Variants in ARHGAP10 observed in about 807,000 individuals in gnomAD.
ARHGAP10 encodes Rho GTPase activating protein 10, also known as rho GTPase-activating protein 10.
A neutral mutation model predicts 108.6 loss-of-function variants in ARHGAP10; 87 were observed. The observed-to-expected ratio is 0.80, with a 90% CI of 0.67 to 0.96. The LOEUF is 0.96. ARHGAP10 is among the 40% of genes least tolerant of loss of function. The probability of loss-of-function intolerance (pLI) is 0.00; values close to 1 mark genes in which losing one functional copy is unlikely to be tolerated. For missense variants in ARHGAP10, 939 were observed against 954.5 expected, an observed-to-expected ratio of 0.98 and a Z score of 0.21; for synonymous variants, 347 against 341.1, an observed-to-expected ratio of 1.02 and a Z score of -0.19.
intron 1 of ARHGAP10, among the ~76,000 whole-genome samples, chr4:147,799,712 A>G (rs1346991436): frequency 6.6e-6 from 1 of 152,192 alleles, no homozygotes; most frequent in Non-Finnish European, 1.5e-5. Flanking sequence ...ATTTGTTTCA[A>G]CAGAATTTAT....
chr4:147,991,572 A>G (rs1304398998), intron 18 of ARHGAP10, among the ~76,000 whole-genome samples: 1 of 152,226 alleles, frequency 6.6e-6, no homozygotes, highest in East Asian at 1.9e-4. Context: ...CCTAGTGTGT[A>G]CCAAAATTCC....
At position 147,869,582 on chromosome 4, in the gene ARHGAP10, G is replaced by GA. The variant is rs33932988; in HGVS notation, c.702+2777dup. 2.4e-3 allele frequency among the ~76,000 whole-genome samples: 340 copies of GA among 143,200 alleles called. 2 individuals are homozygous for GA. The highest frequency in any genetic ancestry group is 5.2e-3 in the African/African-American group (206 of 39,512). The allele number at this position is 143,200 out of a possible 152,430, so 93.9% of individuals were successfully genotyped here. A position where few individuals can be genotyped will look rare whatever the true frequency, so the allele number is the denominator to read the frequency against. ...AGAAATGGGGAAATGACAGTTTATTGAAAAAAAAAAAGCCTTTTTTGTATT... is the reference window on the plus strand; with the variant it reads ...AGAAATGGGGAAATGACAGTTTATTGAAAAAAAAAAAAGCCTTTTTTGTATT... On this transcript the variant is annotated intron_variant, in intron 7 of 22. Coordinates refer to ENST00000336498, the MANE Select transcript of ARHGAP10 (RefSeq NM_024605.4).
chr4:147,919,994 A>G (rs1455103122), intron 13 of ARHGAP10, among the ~76,000 whole-genome samples: 4 of 152,162 alleles, frequency 2.6e-5, no homozygotes, highest in Non-Finnish European at 5.9e-5. Context: ...ATATGTAGCA[A>G]AGTTTGGGAG....
chr4:148,072,484 G>A lies in ARHGAP10; in HGVS notation c.*403G>A, dbSNP rs1264010324. 1.1e-5 allele frequency: 2 copies of A among 179,718 alleles called. No individual in the cohort carries two copies. Among genetic ancestry groups the A allele is most frequent in the African/African-American group, 4.7e-5 (2 of 42,344 alleles). 11.1% of individuals were successfully genotyped at this position (179,718 alleles called of 1,614,324 possible). ...TGCTGCTGCGATTTTAAAGGGAACT[G>A]TACTACTCGCAGTGATAGGTTTGCA... On this transcript the variant is annotated 3_prime_UTR_variant, in exon 23 of 23. Transcript: ENST00000336498.
At chr4:147,957,199 G>C (rs79841688) in intron 16 of ARHGAP10, among the ~76,000 whole-genome samples, 1 of 152,132 alleles carries the variant, frequency 6.6e-6, no homozygotes, top group Non-Finnish European at 1.5e-5. Context: ...CCTAAGTGCC[G>C]TTGTGGTTGG....
intron 1 of ARHGAP10, among the ~76,000 whole-genome samples, chr4:147,798,767 CTCTCTCTCTCTCTCTATA>C (rs1332864875): frequency 1.1e-3 from 7 of 6,620 alleles, no homozygotes; most frequent in African/African-American, 1.2e-3. Flanking sequence ...CTCTCTCTCT[CTCTCTCTCTCTCTCTATA>C]TATATATATA....
intron 19 of ARHGAP10, among the ~76,000 whole-genome samples, chr4:148,040,695 T>A (rs1728594899): frequency 6.6e-6 from 1 of 152,188 alleles, no homozygotes; most frequent in African/African-American, 2.4e-5. Flanking sequence ...CAGTTGGTCT[T>A]GGAACCATAA....
chr4:148,059,521 A>AT (rs34690971), intron 20 of ARHGAP10, among the ~76,000 whole-genome samples: 105,618 of 151,902 alleles, frequency 0.7, 37,342 homozygotes, highest in East Asian at 0.84. Context: ...GACTCTCAAA[A>AT]ATTTCATTAT....
chr4:147,988,107 T>C (rs1231782697), intron 18 of ARHGAP10, among the ~76,000 whole-genome samples: 8 of 152,220 alleles, frequency 5.3e-5, no homozygotes, highest in Admixed American at 4.6e-4. Context: ...TGCAGGTGTC[T>C]CCTGCCTGTC....
At chr4:148,023,549 A>T in intron 19 of ARHGAP10, 136 bp downstream of exon 19, 1 of 1,065,384 alleles carries the variant, frequency 9.4e-7, no homozygotes, top group Non-Finnish European at 1.2e-6. Context: ...TTTGAGATTT[A>T]CAGGGAGGGT....
At chr4:148,004,665 G>A (rs773949574) in intron 18 of ARHGAP10, among the ~76,000 whole-genome samples, 3 of 152,192 alleles carry the variant, frequency 2.0e-5, no homozygotes, top group Admixed American at 6.5e-5. Context: ...AAAAGCCACG[G>A]CCTTTAGTCC....
chr4:147,979,784 A>T (rs146741554), intron 18 of ARHGAP10, among the ~76,000 whole-genome samples: 387 of 152,170 alleles, frequency 2.5e-3, no homozygotes, highest in African/African-American at 8.9e-3. Flanking sequence ...GTTTTTGTGT[A>T]GGTGTGTGGC....
At chr4:147,893,525 T>C (rs540865259) in intron 10 of ARHGAP10, among the ~76,000 whole-genome samples, 1 of 147,806 alleles carries the variant, frequency 6.8e-6, no homozygotes, top group African/African-American at 2.4e-5. Context: ...AGAATATATA[T>C]ATTTCAGTAA....
intron 1 of ARHGAP10, among the ~76,000 whole-genome samples, chr4:147,792,666 C>G (rs1234881399): frequency 6.6e-6 from 1 of 151,852 alleles, no homozygotes; most frequent in African/African-American, 2.4e-5. Flanking sequence ...TTCTTATTCT[C>G]CATTATTATG....
chr4:147,893,819 A>G (rs973514506), intron 10 of ARHGAP10, among the ~76,000 whole-genome samples: 3 of 152,048 alleles, frequency 2.0e-5, no homozygotes, highest in African/African-American at 7.2e-5. Flanking sequence ...AGTGGAACTG[A>G]TAGAACATGG....
intron 18 of ARHGAP10, among the ~76,000 whole-genome samples, chr4:148,000,000 A>G (rs1044156939): frequency 2.0e-5 from 3 of 151,632 alleles, no homozygotes; most frequent in African/African-American, 7.3e-5. Flanking sequence ...ATATGTATAC[A>G]TGCGCCACGT....
At chr4:147,920,666 GACAAA>G (rs1361832238) in intron 13 of ARHGAP10, among the ~76,000 whole-genome samples, 2 of 152,140 alleles carry the variant, frequency 1.3e-5, no homozygotes, top group African/African-American at 4.8e-5. Flanking sequence ...ATTAGTGGCT[GACAAA>G]ACAAAAGATT....
At chr4:147,761,618 T>C (rs554025744) in intron 1 of ARHGAP10, among the ~76,000 whole-genome samples, 1 of 152,348 alleles carries the variant, frequency 6.6e-6, no homozygotes, top group East Asian at 1.9e-4. Flanking sequence ...TTTTGTTGAG[T>C]TAGCAATTAT....
intron 18 of ARHGAP10, among the ~76,000 whole-genome samples, chr4:148,009,088 G>GA (rs538524923): frequency 3.3e-4 from 50 of 149,646 alleles, no homozygotes; most frequent in African/African-American, 1.1e-3. Context: ...TTCTTTGGGG[G>GA]AAAAAAACAA....
Sources: gnomAD v4.1 joint callset for allele counts (sites outside exome capture counted in the v4.1 genomes callset) on GRCh38, gnomAD v4.1.1 for gene constraint, MANE v1.5 for transcripts, NCBI Gene and HGNC (gene_info 2026-07-23, HGNC 2026-07-21) for gene names.